LAPTM4B: variants seen among roughly 807,000 people sequenced by gnomAD.
LAPTM4B encodes lysosomal protein transmembrane 4 beta, also known as lysosomal-associated transmembrane protein 4B.
LAPTM4B carries 26 observed loss-of-function variants against 28.5 expected under a neutral mutation model. The ratio of observed to expected loss-of-function variants is 0.91; its 90% confidence interval spans 0.67 to 1.27. LAPTM4B has a LOEUF of 1.27. Ranked by LOEUF, LAPTM4B falls within the 50% of genes most tolerant of loss-of-function variation. LAPTM4B has a pLI of 0.00. For missense variants in LAPTM4B, 288 were observed against 285.8 expected (o/e 1.01, Z -0.06); for synonymous variants, 109 against 106.4 (o/e 1.02, Z -0.15).
chr8:97,830,287 A>G (rs1817162965), intron 6 of LAPTM4B, among the ~76,000 whole-genome samples: 1 of 152,170 alleles, frequency 6.6e-6, no homozygotes, highest in Non-Finnish European at 1.5e-5. Flanking sequence ...CAAAGTGAGT[A>G]GAAAAGAACT....
intron 6 of LAPTM4B, among the ~76,000 whole-genome samples, chr8:97,830,580 GT>G (rs1247978167): frequency 6.6e-6 from 1 of 152,220 alleles, no homozygotes; most frequent in African/African-American, 2.4e-5. Flanking sequence ...AGGAATGCGA[GT>G]AAGTTGAAGA....
chr8:97,829,761 G>A (rs1040488304), intron 6 of LAPTM4B, among the ~76,000 whole-genome samples: 4 of 151,092 alleles, frequency 2.6e-5, no homozygotes, highest in African/African-American at 4.9e-5. Flanking sequence ...GCACAACCTC[G>A]CTCACTGCTG....
At chr8:97,840,068 C>T (rs1817323154) in intron 6 of LAPTM4B, among the ~76,000 whole-genome samples, 1 of 152,162 alleles carries the variant, frequency 6.6e-6, no homozygotes, top group Non-Finnish European at 1.5e-5. Flanking sequence ...GAGATGTGTA[C>T]AGTAGGTGGC....
chr8:97,815,647 A>G (rs767443328), intron 3 of LAPTM4B, among the ~76,000 whole-genome samples: 2 of 152,070 alleles, frequency 1.3e-5, no homozygotes, highest in African/African-American at 2.4e-5. Flanking sequence ...GCTCACTGCA[A>G]TCTCCGCCTC....
chr8:97,777,561 G>A (rs1179221856), intron 1 of LAPTM4B, among the ~76,000 whole-genome samples: 6 of 152,018 alleles, frequency 3.9e-5, no homozygotes, highest in African/African-American at 1.2e-4. Context: ...CCCCTTCCTT[G>A]TACCATTTTA....
At chr8:97,808,592 A>T (rs545156886) in intron 2 of LAPTM4B, among the ~76,000 whole-genome samples, 2 of 152,306 alleles carry the variant, frequency 1.3e-5, no homozygotes, top group South Asian at 4.1e-4. Context: ...AAAGAAGTTT[A>T]AAAAAACAGA....
chr8:97,833,249 G>A (rs1021896096), intron 6 of LAPTM4B, among the ~76,000 whole-genome samples: 15 of 152,042 alleles, frequency 9.9e-5, no homozygotes, highest in African/African-American at 2.2e-4. Flanking sequence ...CAGGAGAATC[G>A]CTTGAACCTG....
chr8:97,805,499 GGGAA>G, intron 2 of LAPTM4B, 35 bp downstream of exon 2: 1 of 1,197,576 alleles, frequency 8.4e-7, no homozygotes, highest in Non-Finnish European at 1.2e-6. Context: ...TTCAAGGGCA[GGGAA>G]TCTGACTGCC....
chr8:97,778,833 G>A (rs955002739), intron 1 of LAPTM4B, among the ~76,000 whole-genome samples: 2 of 151,814 alleles, frequency 1.3e-5, no homozygotes, highest in South Asian at 4.2e-4. Context: ...CTGGGTCGCC[G>A]GCTAATAAAG....
At chr8:97,819,457 G>A (rs1816970090) in intron 5 of LAPTM4B, among the ~76,000 whole-genome samples, 1 of 152,132 alleles carries the variant, frequency 6.6e-6, no homozygotes, top group Admixed American at 6.5e-5. Flanking sequence ...TTTGGACAGA[G>A]ATAAGTTAAC....
intron 6 of LAPTM4B, among the ~76,000 whole-genome samples, chr8:97,836,944 A>ATATAT (rs1563620943): frequency 6.6e-6 from 1 of 150,938 alleles, no homozygotes; most frequent in African/African-American, 2.4e-5. Context: ...AAGAGAAAAA[A>ATATAT]AAATATATAT....
At chr8:97,817,531 T>C (rs1816939692) in intron 4 of LAPTM4B, among the ~76,000 whole-genome samples, 1 of 142,326 alleles carries the variant, frequency 7.0e-6, no homozygotes, top group African/African-American at 2.6e-5. Context: ...CACTGCAACC[T>C]CCGCCTCCCT....
intron 1 of LAPTM4B, among the ~76,000 whole-genome samples, chr8:97,793,846 GC>G (rs1406878075): frequency 2.6e-5 from 4 of 152,104 alleles, no homozygotes; most frequent in Admixed American, 2.6e-4. Context: ...TTGCTCTGTC[GC>G]CCAGGCTGGG....
intron 1 of LAPTM4B, among the ~76,000 whole-genome samples, chr8:97,796,849 A>T (rs1816592731): frequency 6.6e-6 from 1 of 152,170 alleles, no homozygotes; most frequent in Admixed American, 6.5e-5. Flanking sequence ...CTGAGGCAGG[A>T]GATTCGCTTG....
Position 97,852,736 on chromosome 8 carries a change from C to T in LAPTM4B, c.*1262C>T. 1.4e-5 allele frequency: 3 copies of T among 218,286 alleles called. No homozygotes were observed. Among genetic ancestry groups the T allele is most frequent in the Non-Finnish European group, 2.8e-5 (3 of 108,448 alleles). The allele number at this position is 218,286 out of a possible 1,614,324, so 13.5% of individuals were successfully genotyped here. A position where few individuals can be genotyped will look rare whatever the true frequency, so the allele number is the denominator to read the frequency against. ...AGGTCGGGTGGGGGGGATTTTTAAT[C>T]TTTTAATTTTCAAGATGGTTAAAAT... On this transcript the variant is annotated 3_prime_UTR_variant, in exon 7 of 7. Coordinates refer to ENST00000521545, the MANE Select transcript of LAPTM4B (RefSeq NM_018407.6).
intron 5 of LAPTM4B, among the ~76,000 whole-genome samples, chr8:97,821,530 AG>A (rs1817002164): frequency 6.6e-6 from 1 of 151,634 alleles, no homozygotes; most frequent in African/African-American, 2.4e-5. Flanking sequence ...GCAGGTAGTG[AG>A]GACGTGTGGA....
chr8:97,823,497 C>T (rs1817042412), intron 5 of LAPTM4B, among the ~76,000 whole-genome samples: 1 of 151,706 alleles, frequency 6.6e-6, no homozygotes, highest in Non-Finnish European at 1.5e-5. Flanking sequence ...GCCTCAGCCT[C>T]CCACATAGCT....
Position 97,842,501 on chromosome 8 carries a change from C to G in LAPTM4B, c.604-8896C>G, listed in dbSNP as rs538628184. ...GGGCCGGCAAACAGGAGTACCTAATCTTTGTTTTTTTGTTGTTGTTTTTGT... is the reference window on the plus strand; with the variant it reads ...GGGCCGGCAAACAGGAGTACCTAATGTTTGTTTTTTTGTTGTTGTTTTTGT... On this transcript the variant is annotated intron_variant, in intron 6 of 6. Coordinates refer to ENST00000521545, the MANE Select transcript of LAPTM4B (RefSeq NM_018407.6). Among the ~76,000 whole-genome samples, 4 of 152,158 alleles carry G rather than the reference C, an allele frequency of 2.6e-5. No homozygotes were observed. In the South Asian group the frequency reaches 8.3e-4, roughly 32 times the overall value.
chr8:97,775,994 C>T lies in LAPTM4B; in HGVS notation c.-16C>T, dbSNP rs1050006330. On this transcript the variant is annotated 5_prime_UTR_variant, in exon 1 of 7. Transcript: ENST00000521545. ...TGAAAACTTGCGCGCGCGCTCGCGC[C>T]ACTGCGCCCGGAGCGATGAAGATGG... The T allele has an allele frequency of 2.6e-6, 4 of 1,567,064 alleles. No individual in the cohort carries two copies. Among genetic ancestry groups the T allele is most frequent in the Non-Finnish European group, 2.6e-6 (3 of 1,163,212 alleles).
Sources: gnomAD v4.1 joint callset for allele counts (sites outside exome capture counted in the v4.1 genomes callset) on GRCh38, gnomAD v4.1.1 for gene constraint, MANE v1.5 for transcripts, NCBI Gene and HGNC (gene_info 2026-07-23, HGNC 2026-07-21) for gene names.